The following SPHK2 variants were observed in gnomAD, a reference collection of about 807,000 sequenced individuals.
SPHK2 encodes the protein sphingosine kinase 2.
SPHK2 carries 18 observed loss-of-function variants against 32.3 expected under a neutral mutation model. That is an observed-to-expected ratio of 0.56 (90% CI 0.39 to 0.83). SPHK2 has a LOEUF of 0.83. Ranked by LOEUF, SPHK2 falls within the 40% of genes least tolerant of loss-of-function variation. The pLI is 0.00. For synonymous variants in SPHK2, 462 were observed against 417.6 expected, an observed-to-expected ratio of 1.11 and a Z score of -1.30; for missense variants, 850 against 908.7, an observed-to-expected ratio of 0.94 and a Z score of 0.83.
At position 48,628,119 on chromosome 19, in the gene SPHK2, A is replaced by C; in HGVS notation, c.757-43A>C. The C allele has an allele frequency of 6.3e-7, 1 of 1,596,100 alleles. No individual in the cohort carries two copies. The highest frequency in any genetic ancestry group is 8.6e-7 in the Non-Finnish European group (1 of 1,168,774). The stretch of plus-strand genomic sequence containing the variant: ...AGCCCTGGGCCCTGGGGGACTATAG[A>C]GACTGCCACCAGGACCCAGGCTTCT... On this transcript the variant is annotated intron_variant, in intron 5 of 6. Transcript: ENST00000245222. This position sits in a 1 kb window ranked among gnomAD's most constrained non-coding sequence, Gnocchi z 5.2.
chr19:48,621,807 T>A (rs1481153396), intron 2 of SPHK2, among the ~76,000 whole-genome samples: 3 of 152,164 alleles, frequency 2.0e-5, no homozygotes, highest in Non-Finnish European at 4.4e-5. Flanking sequence ...TTTCTTACTT[T>A]TCAAGGAAAA....
intron 2 of SPHK2, chr19:48,625,636 A>T: frequency 5.3e-6 from 8 of 1,522,202 alleles, no homozygotes; most frequent in Non-Finnish European, 7.0e-6. Flanking sequence ...ATTGGCACAT[A>T]AAGGGTACTG....
chr19:48,630,404 C>G lies in SPHK2; in HGVS notation c.*631C>G, dbSNP rs1333261897. On this transcript the variant is annotated 3_prime_UTR_variant, in exon 7 of 7. Transcript: ENST00000245222. This position sits in a 1 kb window ranked among gnomAD's most constrained non-coding sequence, Gnocchi z 4.9. ...ATAAAGGCAGTCGCTTCATTCCTCT[C>G]AGACCTTCTGCCCTTCCTCCATCCG... is the stretch of plus-strand genomic sequence containing the variant. 89 of 1,407,918 alleles carry G rather than the reference C, an allele frequency of 6.3e-5. No homozygotes were observed. Among genetic ancestry groups the G allele is most frequent in the Non-Finnish European group, 7.3e-5 (79 of 1,084,442 alleles). The allele number at this position is 1,407,918 out of a possible 1,614,324, so 87.2% of individuals were successfully genotyped here. A position where few individuals can be genotyped will look rare whatever the true frequency, so the allele number is the denominator to read the frequency against.
chr19:48,624,233 C>T (rs386243), intron 2 of SPHK2: 63,676 of 152,202 alleles, frequency 0.42, 16,141 homozygotes, highest in East Asian at 0.7. Context: ...CCCCGCCCAG[C>T]TCTCGGCCTC....
chr19:48,625,558 T>TAGGA, intron 2 of SPHK2: 1 of 1,341,980 alleles, frequency 7.5e-7, no homozygotes, highest in Non-Finnish European at 9.7e-7. Context: ...CTTGTTTATC[T>TAGGA]ATTCCTATGA....
Position 48,629,431 on chromosome 19 carries a change from G to T in SPHK2, c.1623G>T (p.Met541Ile). The part of the protein sequence containing the change: ...WVTLEGDFVL[M>I]LAISPSHLGA... The stretch of plus-strand genomic sequence containing the variant: ...CGCTGGAGGGGGACTTTGTGCTCAT[G>T]TTGGCCATCTCGCCCAGCCACCTAG... Residue 541 changes from methionine (M) to isoleucine (I), a missense_variant, in exon 7 of 7, where the codon ATG becomes ATT. By Grantham distance (10) the Met-to-Ile change is conservative. Transcript: ENST00000245222. 1 of 1,610,696 alleles carries T rather than the reference G, an allele frequency of 6.2e-7. No individual in the cohort carries two copies. The highest frequency in any genetic ancestry group is 8.5e-7 in the Non-Finnish European group (1 of 1,179,240).
intron 3 of SPHK2, 136 bp from the exon 4 acceptor site, chr19:48,627,556 A>T: frequency 9.6e-7 from 1 of 1,040,356 alleles, no homozygotes; most frequent in Non-Finnish European, 1.4e-6. Flanking sequence ...CTGCATACCT[A>T]GGCCTGGCCA....
At chr19:48,626,451 G>C in intron 3 of SPHK2, 89 bp downstream of exon 3, 1 of 1,403,728 alleles carries the variant, frequency 7.1e-7, no homozygotes, top group Non-Finnish European at 9.3e-7. Context: ...TTATTTTTCT[G>C]TGTGTCTGGG....
chr19:48,625,042 C>A, intron 2 of SPHK2: 3 of 991,506 alleles, frequency 3.0e-6, no homozygotes, highest in Non-Finnish European at 3.6e-6. Flanking sequence ...CCTGCTCCCA[C>A]CCGCTCCCTG....
intron 2 of SPHK2, 56 bp downstream of exon 2, chr19:48,620,609 G>A: frequency 1.6e-6 from 2 of 1,271,470 alleles, no homozygotes; most frequent in Non-Finnish European, 2.2e-6. Flanking sequence ...AAAATCTGAA[G>A]CTTTTCTTTA....
At chr19:48,625,234 C>A (rs1974559774) in intron 2 of SPHK2, 1 of 1,072,088 alleles carries the variant, frequency 9.3e-7, no homozygotes, top group Non-Finnish European at 1.1e-6. Context: ...CTCTGTCTTG[C>A]CTTTCTCGTT....
intron 2 of SPHK2, among the ~76,000 whole-genome samples, chr19:48,622,682 G>T (rs926961745): frequency 6.6e-6 from 1 of 151,538 alleles, no homozygotes; most frequent in South Asian, 2.1e-4. Flanking sequence ...ATACTATCTG[G>T]TGCTGTTGCT....
rs1248515978 is a variant in SPHK2 at position 48,624,997 on chromosome 19, G to A, written c.40-894G>A. On this transcript the variant is annotated intron_variant, in intron 2 of 6. Transcript: ENST00000245222. ...AGGAGGAGGCAGAATCCGGGCAGAG[G>A]GCAGGGAGAGGGCCTGTGGGGAAGG... 4 of 987,800 alleles carry A rather than the reference G, an allele frequency of 4.0e-6. No individual in the cohort carries two copies. The Admixed American group carries it at 1.8e-4, about 45-fold the overall frequency. 61.2% of individuals were successfully genotyped at this position (987,800 alleles called of 1,614,324 possible).
At chr19:48,625,748 C>T (rs1371363549) in intron 2 of SPHK2, 143 bp from the exon 3 acceptor site, 4 of 1,535,350 alleles carry the variant, frequency 2.6e-6, no homozygotes, top group Non-Finnish European at 3.5e-6. Flanking sequence ...TCTGCCCACA[C>T]CTGTCTGAGC....
rs1439094484 is a variant in SPHK2, at chr19:48,625,935, G to A, written c.84G>A (p.Arg28=). 1.9e-6 allele frequency: 3 copies of A among 1,612,116 alleles called. No individual in the cohort carries two copies. Among genetic ancestry groups the A allele is most frequent in the African/African-American group, 1.3e-5 (1 of 75,040 alleles). Residue 28 remains arginine (R), a synonymous_variant, in exon 3 of 7, where the codon AGG becomes AGA. Transcript: ENST00000245222. The stretch of plus-strand genomic sequence containing the variant: ...CCGGGAGCTGGGGCCACGGGCCTAG[G>A]AGCACCCTGGTCAGGGCTAAGGCCA... ...ELTGSWGHGP[R]STLVRAKAMA...
rs1568434926 is a variant in SPHK2, at chr19:48,629,029, A to AGCCCC, written c.1226_1230dup (p.Met411ArgfsTer84). On this transcript the variant is annotated frameshift_variant, in exon 7 of 7. Transcript: ENST00000245222. LOFTEE classifies it low-confidence loss of function (END_TRUNC). ...CGGAGCTGACCCTAACCCCAGACCC[A>AGCCCC]GCCCCGCCCATGGCCCACTCACCCC... The AGCCCC allele has an allele frequency of 6.2e-7, 1 of 1,612,824 alleles. No homozygotes were observed. Among genetic ancestry groups the AGCCCC allele is most frequent in the Non-Finnish European group, 8.5e-7 (1 of 1,179,686 alleles).
intron 3 of SPHK2, 77 bp downstream of exon 3, chr19:48,626,439 C>A: frequency 1.4e-6 from 2 of 1,437,990 alleles, no homozygotes; most frequent in South Asian, 2.9e-5. Context: ...GCAGCTGTGT[C>A]TTTATTTTTC....
At position 48,628,413 on chromosome 19, in the gene SPHK2, G is replaced by C. The variant is rs557794402; in HGVS notation, c.872+136G>C. 6.4e-5 allele frequency: 64 copies of C among 997,556 alleles called. No individual in the cohort carries two copies. The East Asian group carries it at 1.3e-3, about 20-fold the overall frequency. 61.8% of individuals were successfully genotyped at this position (997,556 alleles called of 1,614,324 possible). On this transcript the variant is annotated intron_variant, in intron 6 of 6. Transcript: ENST00000245222. This position sits in a 1 kb window ranked among gnomAD's most constrained non-coding sequence, Gnocchi z 5.2. Reference sequence around the variant, plus strand: ...GTGGGATGCTCACCCCCAGCTCCTGGACATTTTTGCCTGCCTGCTTCCCAG... The same window carrying C: ...GTGGGATGCTCACCCCCAGCTCCTGCACATTTTTGCCTGCCTGCTTCCCAG...
chr19:48,627,888 C>G, intron 4 of SPHK2, 47 bp downstream of exon 4: 1 of 1,584,886 alleles, frequency 6.3e-7, no homozygotes, highest in Non-Finnish European at 8.6e-7. Context: ...CAGCTGAGTC[C>G]TAAGGGAGCA....
Sources: gnomAD v4.1 joint callset for allele counts (sites outside exome capture counted in the v4.1 genomes callset) on GRCh38, gnomAD v4.1.1 for gene constraint, Gnocchi (gnomAD v3.1) non-coding constraint, MANE v1.5 for transcripts, NCBI Gene and HGNC (gene_info 2026-07-23, HGNC 2026-07-21) for gene names.